Variants in LRRC4B observed in about 807,000 individuals in gnomAD.
LRRC4B encodes leucine rich repeat containing 4B.
In LRRC4B, 1 loss-of-function variant was observed where a neutral mutation model predicts 7.3. That is an observed-to-expected ratio of 0.14 (90% CI 0.05 to 0.65). The LOEUF is 0.65. Ranked by LOEUF, LRRC4B falls within the 30% of genes least tolerant of loss-of-function variation. The pLI is 0.84. For synonymous variants in LRRC4B, 500 were observed against 499.2 expected, an observed-to-expected ratio of 1.00 and a Z score of -0.02; for missense variants, 730 against 1,041.6, an observed-to-expected ratio of 0.70 and a Z score of 4.12.
rs1388168433 is a variant in LRRC4B, at chr19:50,548,532, C to A, written c.297+10G>T. Reference sequence around the variant, plus strand: ...TCCAAGGTCCCCCTCTGCCCGCTGGCCCCGCATACCTGGATGCCGTTCTCT... The same window carrying A: ...TCCAAGGTCCCCCTCTGCCCGCTGGACCCGCATACCTGGATGCCGTTCTCT... On this transcript the variant is annotated intron_variant, in intron 2 of 2. Transcript: ENST00000652263. This position sits in a 1 kb window ranked among gnomAD's most constrained non-coding sequence, Gnocchi z 6.8. 4 of 1,587,242 alleles carry A rather than the reference C, an allele frequency of 2.5e-6. No individual in the cohort carries two copies. In the African/African-American group the frequency reaches 5.4e-5, roughly 21 times the overall value.
rs775055991 is a variant in LRRC4B, at chr19:50,517,703, G to T, written c.2010C>A (p.Phe670Leu). ...TGGGGTTGCTGCTGTAGTGCGCCTT[G>T]AAGGCGGCAGCCACGTAGTGGTGGT... The part of the protein sequence containing the change: ...LNHHHYVAAA[F>L]KAHYSSNPSG... The change falls in exon 3 of 3, where the codon TTC becomes TTA. Residue 670 changes from phenylalanine (F) to leucine (L), a missense_variant. Phe to Leu is a conservative substitution (Grantham distance 22, BLOSUM62 0). Transcript: ENST00000652263. The surrounding 1 kb of genome is among the most constrained non-coding windows in gnomAD (Gnocchi z 6.6). 1.9e-6 allele frequency: 3 copies of T among 1,553,530 alleles called. No homozygotes were observed. Among genetic ancestry groups the T allele is most frequent in the Middle Eastern group, 1.8e-4 (1 of 5,498 alleles).
At chr19:50,535,149 T>C (rs1320508096) in intron 2 of LRRC4B, among the ~76,000 whole-genome samples, 3 of 152,072 alleles carry the variant, frequency 2.0e-5, no homozygotes, top group East Asian at 3.9e-4. Flanking sequence ...ATTACAGGCG[T>C]GACCCACCAC....
chr19:50,540,869 G>A (rs976542012), intron 2 of LRRC4B, among the ~76,000 whole-genome samples: 6 of 151,198 alleles, frequency 4.0e-5, no homozygotes, highest in African/African-American at 1.5e-4. Context: ...TATACATTAC[G>A]ATGTAATAAT....
intron 2 of LRRC4B, among the ~76,000 whole-genome samples, chr19:50,527,348 CTTTTTTT>C (rs59423387): frequency 8.0e-6 from 1 of 124,518 alleles, no homozygotes; most frequent in Admixed American, 8.4e-5. Flanking sequence ...TTTCTTTTTT[CTTTTTTT>C]TTTTTTTTTT....
intron 2 of LRRC4B, among the ~76,000 whole-genome samples, chr19:50,540,371 A>T (rs533732499): frequency 1.6e-4 from 25 of 151,598 alleles, no homozygotes; most frequent in Non-Finnish European, 2.7e-4. Context: ...TTACAAAAAA[A>T]TTTTTTTTTG....
rs1980318895 is a variant in LRRC4B at position 50,517,424 on chromosome 19, T to A, written c.*147A>T. 1.5e-6 allele frequency: 1 copy of A among 649,058 alleles called. No individual in the cohort carries two copies. The highest frequency in any genetic ancestry group is 2.2e-6 in the Non-Finnish European group (1 of 453,042). 40.2% of individuals were successfully genotyped at this position (649,058 alleles called of 1,614,324 possible). On this transcript the variant is annotated 3_prime_UTR_variant, in exon 3 of 3. Coordinates refer to ENST00000652263, the MANE Select transcript of LRRC4B (RefSeq NM_001080457.2). The surrounding 1 kb of genome is among the most constrained non-coding windows in gnomAD (Gnocchi z 6.6). Reference sequence around the variant, plus strand: ...CCTTACTGGGGGTCCGAGCCCCAGATGGGGCTGGAAGCCACCTCTCCCCAA... The same window carrying A: ...CCTTACTGGGGGTCCGAGCCCCAGAAGGGGCTGGAAGCCACCTCTCCCCAA...
At chr19:50,535,995 G>A (rs1316324993) in intron 2 of LRRC4B, among the ~76,000 whole-genome samples, 1 of 152,228 alleles carries the variant, frequency 6.6e-6, no homozygotes, top group Non-Finnish European at 1.5e-5. Context: ...TGCGGGTGGG[G>A]TGGGAGAGTG....
Position 50,519,260 on chromosome 19 carries a change from C to A in LRRC4B, c.453G>T (p.Thr151=), listed in dbSNP as rs1568715320. 3 of 1,613,982 alleles carry A rather than the reference C, an allele frequency of 1.9e-6. No homozygotes were observed. The highest frequency in any genetic ancestry group is 1.7e-6 in the Non-Finnish European group (2 of 1,180,050). Residue 151 remains threonine, a synonymous_variant, in exon 3 of 3, where the codon ACG becomes ACT. Transcript: ENST00000652263. The surrounding 1 kb of genome is among the most constrained non-coding windows in gnomAD (Gnocchi z 8.1). The part of the protein sequence containing the change: ...LFDNRLTTVP[T]QAFEYLSKLR... ...GCTTGGACAGGTACTCGAAGGCCTG[C>A]GTGGGCACCGTGGTCAGCCGGTTGT...
chr19:50,534,650 C>T (rs927722829), intron 2 of LRRC4B, among the ~76,000 whole-genome samples: 2 of 152,178 alleles, frequency 1.3e-5, no homozygotes, highest in South Asian at 2.1e-4. Context: ...TGCCTTCTAA[C>T]CCCGATGGGG....
chr19:50,562,346 C>G (rs990899429), intron 1 of LRRC4B, among the ~76,000 whole-genome samples: 1 of 152,152 alleles, frequency 6.6e-6, no homozygotes, highest in African/African-American at 2.4e-5. Context: ...TCTGTCAAAC[C>G]AGGGATGATG....
chr19:50,543,727 C>T lies in LRRC4B; in HGVS notation c.297+4815G>A, dbSNP rs1011636657. 1.1e-4 allele frequency among the ~76,000 whole-genome samples: 16 copies of T among 151,106 alleles called. No individual in the cohort carries two copies. In the East Asian group the frequency reaches 2.9e-3, roughly 28 times the overall value. ...AATTAGCTGAGTGTCGTGGTGGGCACCTGTAGTCTCAGCTACTCGGGAGGC... is the reference window on the plus strand; with the variant it reads ...AATTAGCTGAGTGTCGTGGTGGGCATCTGTAGTCTCAGCTACTCGGGAGGC... On this transcript the variant is annotated intron_variant, in intron 2 of 2. Coordinates refer to ENST00000652263, the MANE Select transcript of LRRC4B (RefSeq NM_001080457.2).
intron 2 of LRRC4B, among the ~76,000 whole-genome samples, chr19:50,536,881 C>T (rs1029023184): frequency 4.6e-5 from 7 of 152,210 alleles, no homozygotes; most frequent in Non-Finnish European, 8.8e-5. Context: ...TAGCTGGGAG[C>T]GCCAGGCATA....
At chr19:50,540,728 T>G (rs1424085760) in intron 2 of LRRC4B, among the ~76,000 whole-genome samples, 3 of 151,548 alleles carry the variant, frequency 2.0e-5, no homozygotes, top group Non-Finnish European at 4.4e-5. Flanking sequence ...TACTTGCTCC[T>G]TATGAGAATC....
chr19:50,557,363 C>T (rs1982312633), intron 1 of LRRC4B, among the ~76,000 whole-genome samples: 1 of 152,202 alleles, frequency 6.6e-6, no homozygotes, highest in Non-Finnish European at 1.5e-5. Flanking sequence ...TCGCTCTGGT[C>T]ACACCCACAG....
At position 50,517,650 on chromosome 19, in the gene LRRC4B, G is replaced by A. The variant is rs560185405; in HGVS notation, c.2063C>T (p.Pro688Leu). ...TTCGTGGATGGAGTTGAGGCCAGGC[G>A]GGCCTTTGCCCCCGCAGCCCCCGCC... ...PSGGGCGGKG[P>L]PGLNSIHEPL... The change falls in exon 3 of 3, where the codon CCG becomes CTG. Residue 688 changes from proline to leucine, a missense_variant. This residue lies in a region of LRRC4B where 160 missense variants were observed against 163.9 expected (regional missense o/e 0.98). Coordinates refer to ENST00000652263, the MANE Select transcript of LRRC4B (RefSeq NM_001080457.2). This position sits in a 1 kb window ranked among gnomAD's most constrained non-coding sequence, Gnocchi z 6.6. 15 of 1,506,648 alleles carry A rather than the reference G, an allele frequency of 1.0e-5. No individual in the cohort carries two copies. The highest frequency in any genetic ancestry group is 1.5e-5 in the African/African-American group (1 of 68,716). 93.3% of individuals were successfully genotyped at this position (1,506,648 alleles called of 1,614,324 possible). A position where few individuals can be genotyped will look rare whatever the true frequency, so the allele number is the denominator to read the frequency against.
rs1012785588 is a variant in LRRC4B at position 50,537,904 on chromosome 19, C to T, written c.297+10638G>A. On this transcript the variant is annotated intron_variant, in intron 2 of 2. Transcript: ENST00000652263. The surrounding 1 kb of genome is among the most constrained non-coding windows in gnomAD (Gnocchi z 5.5). The stretch of plus-strand genomic sequence containing the variant: ...ACACGAAGTCTCAGCAGCCCGGGAA[C>T]GGACGGCAGAGGGCGCACTGCTCCC... 2.0e-5 allele frequency among the ~76,000 whole-genome samples: 3 copies of T among 152,112 alleles called. No individual in the cohort carries two copies. The highest frequency in any genetic ancestry group is 2.1e-4 in the South Asian group (1 of 4,812).
intron 1 of LRRC4B, among the ~76,000 whole-genome samples, chr19:50,559,001 G>A (rs987837946): frequency 5.9e-5 from 9 of 152,216 alleles, no homozygotes; most frequent in African/African-American, 1.7e-4. Flanking sequence ...TTCAGTCCCC[G>A]CAAGGGGCCC....
intron 1 of LRRC4B, among the ~76,000 whole-genome samples, chr19:50,549,425 A>T (rs951891649): frequency 2.3e-5 from 3 of 131,098 alleles, no homozygotes; most frequent in Non-Finnish European, 4.9e-5. Context: ...CCCTCTCCCC[A>T]TCCCAGGGAT....
intron 2 of LRRC4B, among the ~76,000 whole-genome samples, chr19:50,523,599 G>T (rs1000425406): frequency 6.7e-6 from 1 of 150,254 alleles, no homozygotes; most frequent in African/African-American, 2.5e-5. Flanking sequence ...GGAGGCGGAG[G>T]TTGCAGTGAG....
Sources: allele counts gnomAD v4.1 joint callset (sites outside exome capture counted in the v4.1 genomes callset), GRCh38; gene constraint gnomAD v4.1.1; regional missense constraint gnomAD v4.1.1; non-coding constraint Gnocchi (gnomAD v3.1); transcripts MANE v1.5; gene names NCBI Gene and HGNC (gene_info 2026-07-23, HGNC 2026-07-21).